C10orf90: variants seen among roughly 807,000 people sequenced by gnomAD.
The protein encoded by C10orf90 is chromosome 10 open reading frame 90.
Under a neutral mutation model 62.5 loss-of-function variants are expected in C10orf90, and 56 were observed. The observed-to-expected ratio is 0.90, with a 90% CI of 0.72 to 1.12. C10orf90 has a LOEUF of 1.12. Ranked by LOEUF, C10orf90 falls within the 50% of genes most tolerant of loss-of-function variation. The pLI, the probability that C10orf90 is intolerant of heterozygous loss-of-function variation, is 0.00. For missense variants in C10orf90, 970 were observed against 880.4 expected, an observed-to-expected ratio of 1.10 and a Z score of -1.29; for synonymous variants, 386 against 340.4, an observed-to-expected ratio of 1.13 and a Z score of -1.47.
Position 126,667,998 on chromosome 10 carries a change from G to C in C10orf90, c.240+2243C>G, listed in dbSNP as rs572753313. Among the ~76,000 whole-genome samples the C allele has an allele frequency of 4.6e-5, 7 of 152,248 alleles. No individual in the cohort carries two copies. The South Asian group carries it at 1.5e-3, about 32-fold the overall frequency. On this transcript the variant is annotated intron_variant, in intron 1 of 9. Transcript: ENST00000488181. ...GCTCTGCTCCTTGTTCCTATCAGAA[G>C]GAAGTCTATGTAAAGGTATGCGTGT...
At chr10:126,556,517 A>G (rs1864776841) in intron 2 of C10orf90, among the ~76,000 whole-genome samples, 1 of 152,210 alleles carries the variant, frequency 6.6e-6, no homozygotes, top group South Asian at 2.1e-4. Flanking sequence ...AATGTACGGT[A>G]TATAAAATTA....
At chr10:126,669,849 C>T (rs1366252017) in intron 1 of C10orf90, among the ~76,000 whole-genome samples, 2 of 152,036 alleles carry the variant, frequency 1.3e-5, no homozygotes, top group Admixed American at 6.6e-5. Flanking sequence ...CAAAACGCAA[C>T]AGGAAACAAG....
At chr10:126,568,828 G>A (rs1844446042) in intron 2 of C10orf90, among the ~76,000 whole-genome samples, 1 of 152,202 alleles carries the variant, frequency 6.6e-6, no homozygotes, top group Non-Finnish European at 1.5e-5. Context: ...TGAGAAGGCA[G>A]GAGGATCTCC....
intron 7 of C10orf90, among the ~76,000 whole-genome samples, chr10:126,434,585 G>A (rs1301076035): frequency 6.6e-6 from 1 of 152,180 alleles, no homozygotes; most frequent in Non-Finnish European, 1.5e-5. Flanking sequence ...ATACCCGTTG[G>A]AGAGAATTCA....
chr10:126,634,391 C>T (rs1361836614), intron 2 of C10orf90, among the ~76,000 whole-genome samples: 1 of 152,080 alleles, frequency 6.6e-6, no homozygotes, highest in Non-Finnish European at 1.5e-5. Context: ...CTATATTATT[C>T]CACTGATATG....
intron 7 of C10orf90, among the ~76,000 whole-genome samples, chr10:126,457,830 T>C (rs1457492441): frequency 1.3e-5 from 2 of 152,196 alleles, no homozygotes; most frequent in Admixed American, 1.3e-4. Context: ...AGGCCAGAGA[T>C]GAAAAAGCTT....
intron 2 of C10orf90, among the ~76,000 whole-genome samples, chr10:126,646,190 C>A (rs1353922780): frequency 6.6e-6 from 1 of 152,222 alleles, no homozygotes; most frequent in Non-Finnish European, 1.5e-5. Flanking sequence ...TATGAATGCA[C>A]ATATCCTGCC....
At chr10:126,449,620 T>G (rs1487658206) in intron 7 of C10orf90, among the ~76,000 whole-genome samples, 1 of 152,152 alleles carries the variant, frequency 6.6e-6, no homozygotes, top group African/African-American at 2.4e-5. Context: ...TGATCTTATA[T>G]GTAGAAACCC....
At chr10:126,488,990 C>T (rs1158885379) in intron 4 of C10orf90, among the ~76,000 whole-genome samples, 1 of 152,074 alleles carries the variant, frequency 6.6e-6, no homozygotes, top group African/African-American at 2.4e-5. Flanking sequence ...CTAAAATCTC[C>T]TTCGGAAACA....
At chr10:126,573,832 CT>C (rs920568760) in intron 2 of C10orf90, among the ~76,000 whole-genome samples, 22 of 148,414 alleles carry the variant, frequency 1.5e-4, no homozygotes, top group East Asian at 3.9e-4. Flanking sequence ...TCTAACTTTG[CT>C]TTTTTTTTTA....
chr10:126,588,812 T>G (rs954352768), intron 2 of C10orf90, among the ~76,000 whole-genome samples: 2 of 152,158 alleles, frequency 1.3e-5, no homozygotes, highest in Non-Finnish European at 2.9e-5. Flanking sequence ...TCCAATTGAC[T>G]GCAACATCTC....
chr10:126,646,049 A>G (rs1463947444), intron 2 of C10orf90, among the ~76,000 whole-genome samples: 1 of 152,206 alleles, frequency 6.6e-6, no homozygotes, highest in Non-Finnish European at 1.5e-5. Flanking sequence ...TTGCTCACAA[A>G]GAGTGGGGCA....
Position 126,600,636 on chromosome 10 carries a change from C to T in C10orf90, c.313+45929G>A, listed in dbSNP as rs116154642. Among the ~76,000 whole-genome samples, 438 of 152,276 alleles carry T rather than the reference C, an allele frequency of 2.9e-3. 5 individuals carry two copies. The highest frequency in any genetic ancestry group is 9.5e-3 in the African/African-American group (395 of 41,552). On this transcript the variant is annotated intron_variant, in intron 2 of 9. Coordinates refer to ENST00000488181, the MANE Select transcript of C10orf90 (RefSeq NM_001350921.2). ...TTTAAAAGTAAACAGAAGATATCTA[C>T]GTCCTCCTCTGTGCTCAAACCAGAA...
At chr10:126,654,024 C>G (rs1255965568) in intron 1 of C10orf90, among the ~76,000 whole-genome samples, 2 of 152,090 alleles carry the variant, frequency 1.3e-5, no homozygotes, top group Middle Eastern at 3.2e-3. Flanking sequence ...GTCAATAAAC[C>G]ATGCTGTAAA....
intron 6 of C10orf90, among the ~76,000 whole-genome samples, chr10:126,459,739 G>A (rs1307752290): frequency 6.6e-6 from 1 of 152,164 alleles, no homozygotes; most frequent in East Asian, 1.9e-4. Flanking sequence ...CCTCCTCCTG[G>A]GTAGAAAGAG....
intron 4 of C10orf90, among the ~76,000 whole-genome samples, chr10:126,482,259 A>G (rs1199654781): frequency 6.6e-6 from 1 of 152,172 alleles, no homozygotes; most frequent in East Asian, 1.9e-4. Context: ...GGGGAGGGGA[A>G]AGGGATCACT....
intron 2 of C10orf90, among the ~76,000 whole-genome samples, chr10:126,609,229 C>A (rs1398010348): frequency 2.6e-5 from 4 of 152,102 alleles, no homozygotes; most frequent in Non-Finnish European, 1.5e-5. Context: ...ATGATGAAAC[C>A]CCGTCTCTGT....
intron 7 of C10orf90, among the ~76,000 whole-genome samples, chr10:126,446,165 C>CT (rs200880811): frequency 7.0e-4 from 106 of 151,296 alleles, no homozygotes; most frequent in Admixed American, 9.9e-4. Context: ...AAAATAAAAT[C>CT]TTTTTTTTTA....
At chr10:126,507,148 G>A (rs1209098959) in intron 3 of C10orf90, among the ~76,000 whole-genome samples, 1 of 152,092 alleles carries the variant, frequency 6.6e-6, no homozygotes, top group African/African-American at 2.4e-5. Context: ...ATGAGGTCAG[G>A]AGATTAAGAC....
Sources: gnomAD v4.1 joint callset for allele counts (sites outside exome capture counted in the v4.1 genomes callset) on GRCh38, gnomAD v4.1.1 for gene constraint, MANE v1.5 for transcripts, NCBI Gene and HGNC (gene_info 2026-07-23, HGNC 2026-07-21) for gene names.